SRGAP2B: variants seen among roughly 807,000 people sequenced by gnomAD.
The protein encoded by SRGAP2B is SLIT-ROBO Rho GTPase activating protein 2B.
A neutral mutation model predicts 22.2 loss-of-function variants in SRGAP2B; 9 were observed. The ratio of observed to expected loss-of-function variants is 0.41; its 90% CI spans 0.24 to 0.71. The LOEUF is 0.71. Among genes scored for constraint, SRGAP2B ranks in the 30% least tolerant of loss-of-function variants. SRGAP2B has a pLI of 0.35. For missense variants in SRGAP2B, 114 were observed against 235.8 expected, an observed-to-expected ratio of 0.48 and a Z score of 3.38; for synonymous variants, 36 against 87.4, an observed-to-expected ratio of 0.41 and a Z score of 3.28.
intron 2 of SRGAP2B, among the ~76,000 whole-genome samples, chr1:145,008,954 G>A (rs1451991211): frequency 3.3e-5 from 5 of 149,944 alleles, no homozygotes; most frequent in African/African-American, 1.0e-4. Flanking sequence ...GGCGGACCAC[G>A]AGGTCAGGAG....
intron 4 of SRGAP2B, among the ~76,000 whole-genome samples, chr1:144,920,465 T>C (rs1664154344): frequency 6.6e-6 from 1 of 150,404 alleles, no homozygotes; most frequent in Non-Finnish European, 1.5e-5. Flanking sequence ...AGAGATGGGA[T>C]CTCACTGAGT....
chr1:145,012,296 A>G (rs1336904040), intron 2 of SRGAP2B, among the ~76,000 whole-genome samples: 1 of 147,404 alleles, frequency 6.8e-6, no homozygotes, highest in Non-Finnish European at 1.5e-5. Flanking sequence ...CATTGAATGA[A>G]TGAATCAAGA....
At chr1:144,962,020 C>T (rs1160098938) in intron 3 of SRGAP2B, among the ~76,000 whole-genome samples, 4 of 89,854 alleles carry the variant, frequency 4.5e-5, no homozygotes, top group African/African-American at 1.5e-4. Context: ...CAAAGACAGA[C>T]GGGCAGGCAG....
intron 3 of SRGAP2B, among the ~76,000 whole-genome samples, chr1:144,966,850 G>C (rs1265448794): frequency 6.7e-6 from 1 of 148,946 alleles, no homozygotes; most frequent in Non-Finnish European, 1.5e-5. Context: ...CCTAGTCTCT[G>C]ATAAAACAGA....
In SRGAP2B at chr1:144,934,403, C is replaced by CAAAAA. The variant is rs782588401; in HGVS notation, c.424-19654_424-19650dup. On this transcript the variant is annotated intron_variant, in intron 4 of 9. Transcript: ENST00000612199. ...GGGCAACAAGAGCAAAACTCCATCT[C>CAAAAA]AAAAAAAAAAAAAAAAAAAAAAAGA... Among the ~76,000 whole-genome samples the CAAAAA allele has an allele frequency of 4.0e-3, 161 of 40,634 alleles. 3 individuals carry two copies. The highest frequency in any genetic ancestry group is 0.015 in the African/African-American group (144 of 9,364). 26.7% of individuals were successfully genotyped at this position (40,634 alleles called of 152,430 possible). A position where few individuals can be genotyped will look rare whatever the true frequency, so the allele number is the denominator to read the frequency against.
chr1:144,911,575 C>T (rs1348113623), intron 5 of SRGAP2B, among the ~76,000 whole-genome samples: 1 of 146,354 alleles, frequency 6.8e-6, no homozygotes. Flanking sequence ...AGTCCTAAAC[C>T]TATCTTAATC....
chr1:145,001,659 C>T (rs1211625220), intron 2 of SRGAP2B, among the ~76,000 whole-genome samples: 3 of 148,490 alleles, frequency 2.0e-5, no homozygotes, highest in Non-Finnish European at 4.4e-5. Flanking sequence ...AACTAGGAAA[C>T]AGCAAATATT....
chr1:144,959,199 C>T (rs1224426319), intron 3 of SRGAP2B, among the ~76,000 whole-genome samples: 2 of 149,748 alleles, frequency 1.3e-5, no homozygotes, highest in Admixed American at 6.7e-5. Flanking sequence ...GGTTGGGTAG[C>T]GAAAATCAAC....
chr1:144,911,619 A>G (rs1158263607), intron 5 of SRGAP2B, among the ~76,000 whole-genome samples: 1 of 135,648 alleles, frequency 7.4e-6, no homozygotes, highest in African/African-American at 2.9e-5. Context: ...CTGAACTGCT[A>G]TTTTTTTTTT....
At position 144,997,425 on chromosome 1, in the gene SRGAP2B, C is replaced by T. The variant is rs868983670; in HGVS notation, c.68-2225G>A. ...CAGCCTGGGCGACAGAGCAAGACTCCGTCTCAAACAAACAACAAAAAAAAG... is the reference window on the plus strand; with the variant it reads ...CAGCCTGGGCGACAGAGCAAGACTCTGTCTCAAACAAACAACAAAAAAAAG... On this transcript the variant is annotated intron_variant, in intron 2 of 9. Coordinates refer to ENST00000612199, the Ensembl canonical transcript of SRGAP2B. Among the ~76,000 whole-genome samples the T allele has an allele frequency of 1.2e-4, 18 of 150,386 alleles. No individual in the cohort carries two copies. The South Asian group carries it at 1.9e-3, about 16-fold the overall frequency.
In SRGAP2B at chr1:145,025,026, G is replaced by A. The variant is rs1312045857; in HGVS notation, c.68-29826C>T. On this transcript the variant is annotated intron_variant, in intron 2 of 9. Coordinates refer to ENST00000612199, the Ensembl canonical transcript of SRGAP2B. Reference sequence around the variant, plus strand: ...CTCAACACAGTGACCACCCACAGACGGATTTTTACGAAAATGAAGAGTTCC... The same window carrying A: ...CTCAACACAGTGACCACCCACAGACAGATTTTTACGAAAATGAAGAGTTCC... Among the ~76,000 whole-genome samples, 4 of 143,274 alleles carry A rather than the reference G, an allele frequency of 2.8e-5. 1 individual carries two copies. The highest frequency in any genetic ancestry group is 8.3e-5 in the African/African-American group (3 of 36,288). 94.0% of individuals were successfully genotyped at this position (143,274 alleles called of 152,430 possible). A position where few individuals can be genotyped will look rare whatever the true frequency, so the allele number is the denominator to read the frequency against.
At chr1:144,966,516 A>G in intron 3 of SRGAP2B, among the ~76,000 whole-genome samples, 1 of 147,312 alleles carries the variant, frequency 6.8e-6, no homozygotes, top group Non-Finnish European at 1.5e-5. Flanking sequence ...AGGAACAACC[A>G]GTACCAGCCA....
chr1:144,987,693 AAT>A (rs1464578155), intron 3 of SRGAP2B, among the ~76,000 whole-genome samples: 1 of 151,380 alleles, frequency 6.6e-6, no homozygotes, highest in Non-Finnish European at 1.5e-5. Context: ...GTTGCCAGCA[AAT>A]GTTTCAAGCT....
In SRGAP2B at chr1:144,971,361, C is replaced by T. The variant is rs587698903; in HGVS notation, c.261-15760G>A. Reference sequence around the variant, plus strand: ...GGTCAGGCTGGTCTCCAACTCCTGACCTCAGGTGATCTGTCCACATTGGCC... The same window carrying T: ...GGTCAGGCTGGTCTCCAACTCCTGATCTCAGGTGATCTGTCCACATTGGCC... On this transcript the variant is annotated intron_variant, in intron 3 of 9. Coordinates refer to ENST00000612199, the Ensembl canonical transcript of SRGAP2B. Among the ~76,000 whole-genome samples the T allele has an allele frequency of 6.0e-5, 9 of 149,970 alleles. 3 individuals carry two copies. Among genetic ancestry groups the T allele is most frequent in the African/African-American group, 2.0e-4 (8 of 39,824 alleles).
intron 3 of SRGAP2B, 39 bp downstream of exon 3, chr1:144,994,969 T>C (rs1670557657): frequency 1.5e-6 from 2 of 1,293,328 alleles, no homozygotes; most frequent in East Asian, 5.3e-5. Context: ...GGACCCCATA[T>C]TCCAAGGTCT....
At position 145,007,187 on chromosome 1, in the gene SRGAP2B, T is replaced by G. The variant is rs1335598249; in HGVS notation, c.68-11987A>C. The stretch of plus-strand genomic sequence containing the variant: ...CTGAGGTTCAGAGAGATCAGTTAAC[T>G]GCCTAAGCTCACTCAGACAGTAACA... On this transcript the variant is annotated intron_variant, in intron 2 of 9. Coordinates refer to ENST00000612199, the Ensembl canonical transcript of SRGAP2B. Among the ~76,000 whole-genome samples the G allele has an allele frequency of 6.6e-5, 10 of 150,412 alleles. 1 individual carries two copies. Among genetic ancestry groups the G allele is most frequent in the Admixed American group, 2.0e-4 (3 of 15,166 alleles).
chr1:144,962,567 GTC>G (rs1430007892), intron 3 of SRGAP2B, among the ~76,000 whole-genome samples: 1 of 100,916 alleles, frequency 9.9e-6, no homozygotes, highest in Non-Finnish European at 2.0e-5. Context: ...AACTGGAAAT[GTC>G]TCCATCAATT....
At chr1:144,931,487 T>G (rs1193196300) in intron 4 of SRGAP2B, among the ~76,000 whole-genome samples, 1 of 150,646 alleles carries the variant, frequency 6.6e-6, no homozygotes, top group African/African-American at 2.5e-5. Context: ...ATATTCTTGA[T>G]GTATCAGTTT....
At chr1:144,990,773 A>G (rs1290186798) in intron 3 of SRGAP2B, among the ~76,000 whole-genome samples, 1 of 151,224 alleles carries the variant, frequency 6.6e-6, no homozygotes, top group Non-Finnish European at 1.5e-5. Flanking sequence ...GCCCCGGGCA[A>G]TGGGGGACTT....
Sources: gnomAD v4.1 joint callset for allele counts (sites outside exome capture counted in the v4.1 genomes callset) on GRCh38, gnomAD v4.1.1 for gene constraint, MANE v1.5 for transcripts, NCBI Gene and HGNC (gene_info 2026-07-23, HGNC 2026-07-21) for gene names.